Variants in GSTK1 observed in about 807,000 individuals in gnomAD.
GSTK1 encodes glutathione S-transferase kappa 1.
A neutral mutation model predicts 30.9 loss-of-function variants in GSTK1; 25 were observed. That is an observed-to-expected ratio of 0.81 (90% CI 0.59 to 1.13). GSTK1 has a LOEUF of 1.13. Among genes scored for constraint, GSTK1 ranks in the 50% most tolerant of loss-of-function variants. GSTK1 has a pLI of 0.00. For missense variants in GSTK1, 292 were observed against 292.4 expected (o/e 1.00, Z 0.01); for synonymous variants, 108 against 112.5 (o/e 0.96, Z 0.25).
chr7:143,264,849 G>A, intron 3 of GSTK1, 143 bp from the exon 4 acceptor site: 1 of 1,252,148 alleles, frequency 8.0e-7, no homozygotes, highest in African/African-American at 1.5e-5. Context: ...AAGGGAAGAA[G>A]AGCAGGCAAA....
chr7:143,266,894 G>T (rs570423963), intron 5 of GSTK1, among the ~76,000 whole-genome samples: 24 of 152,054 alleles, frequency 1.6e-4, no homozygotes, highest in African/African-American at 5.8e-4. Context: ...CTCCTGGGCT[G>T]AAGCAATCTC....
chr7:143,264,123 T>C lies in GSTK1; in HGVS notation c.110T>C (p.Leu37Pro), dbSNP rs902055819. The change falls in exon 2 of 8, where the codon CTG becomes CCG. Residue 37 changes from leucine to proline, a missense_variant. By Grantham distance (98) the Leu-to-Pro change is moderately conservative. Coordinates refer to ENST00000358406, the MANE Select transcript of GSTK1 (RefSeq NM_015917.3). ...TATCAGAATATCTGGAACATCAACC[T>C]GCAGTTGCGGCCCAGCCTCATAACA... is the stretch of plus-strand genomic sequence containing the variant. ...CRYQNIWNIN[L>P]QLRPSLITGI... The C allele has an allele frequency of 6.2e-7, 1 of 1,613,896 alleles. No individual in the cohort carries two copies. The highest frequency in any genetic ancestry group is 8.5e-7 in the Non-Finnish European group (1 of 1,179,978).
rs1800944915 is a variant in GSTK1, at chr7:143,268,401, G to C, written c.631+217G>C. On this transcript the variant is annotated intron_variant, in intron 7 of 7. Transcript: ENST00000358406. This position sits in a 1 kb window ranked among gnomAD's most constrained non-coding sequence, Gnocchi z 4.1. ...GAGGCAGGAGAATCACTTGAACCTG[G>C]GAGGCGGAGGTTGCAGTGAGCCGAG... Among the ~76,000 whole-genome samples the C allele has an allele frequency of 6.6e-6, 1 of 152,096 alleles. No homozygotes were observed. Among genetic ancestry groups the C allele is most frequent in the Non-Finnish European group, 1.5e-5 (1 of 68,012 alleles).
rs1268563333 is a variant in GSTK1, at chr7:143,268,328, T to C, written c.631+144T>C. 4.9e-6 allele frequency: 3 copies of C among 610,284 alleles called. No individual in the cohort carries two copies. The highest frequency in any genetic ancestry group is 8.6e-6 in the Non-Finnish European group (3 of 348,518). The allele number at this position is 610,284 out of a possible 1,614,324, so 37.8% of individuals were successfully genotyped here. On this transcript the variant is annotated intron_variant, in intron 7 of 7. Transcript: ENST00000358406. The surrounding 1 kb of genome is among the most constrained non-coding windows in gnomAD (Gnocchi z 4.1). Reference sequence around the variant, plus strand: ...CAACATGGTGAAACCCCGTCTCTACTAAAAATATAAAAATTAGCTGGGACT... The same window carrying C: ...CAACATGGTGAAACCCCGTCTCTACCAAAAATATAAAAATTAGCTGGGACT...
At position 143,265,127 on chromosome 7, in the gene GSTK1, C is replaced by T. The variant is rs773256350; in HGVS notation, c.384+35C>T. 6.8e-6 allele frequency: 11 copies of T among 1,613,870 alleles called. No homozygotes were observed. The South Asian group carries it at 7.7e-5, about 11-fold the overall frequency. On this transcript the variant is annotated intron_variant, in intron 4 of 7. Transcript: ENST00000358406. ...GGGCTCTGGGAATCCTCTGGGAGGA[C>T]CTTGGATGACTTTCTGACCTTCCCC...
At chr7:143,265,368 A>C in intron 5 of GSTK1, 72 bp downstream of exon 5, 1 of 1,278,122 alleles carries the variant, frequency 7.8e-7, no homozygotes, top group Non-Finnish European at 1.1e-6. Flanking sequence ...GGGGTAAAGA[A>C]GACAATAGGT....
intron 1 of GSTK1, 172 bp downstream of exon 1, chr7:143,263,757 A>G (rs1800783429): frequency 1.9e-5 from 12 of 635,904 alleles, no homozygotes; most frequent in Non-Finnish European, 3.0e-5. Context: ...TAAACGGAAT[A>G]GAGTCGCTGG....
At chr7:143,264,387 T>C (rs1248021895) in intron 2 of GSTK1, 161 bp from the exon 3 acceptor site, 4 of 824,524 alleles carry the variant, frequency 4.9e-6, no homozygotes, top group Non-Finnish European at 7.8e-6. Flanking sequence ...GAGGTTGCGG[T>C]GAGCTGAGAT....
chr7:143,266,771 G>T (rs116557051), intron 5 of GSTK1, among the ~76,000 whole-genome samples: 1,984 of 144,186 alleles, frequency 0.014, 42 homozygotes, highest in African/African-American at 0.047. Context: ...AAGTGATCTC[G>T]CATCTCAGCC....
chr7:143,264,238 T>C lies in GSTK1; in HGVS notation c.154+71T>C, dbSNP rs567788277. ...GAGCCGACCCCAGCGGGTCCTTATA[T>C]TGGCACTGGCAGCCAGAAAGCTGCC... On this transcript the variant is annotated intron_variant, in intron 2 of 7. Coordinates refer to ENST00000358406, the MANE Select transcript of GSTK1 (RefSeq NM_015917.3). 1.2e-4 allele frequency: 166 copies of C among 1,333,298 alleles called. 1 individual carries two copies. The Middle Eastern group carries it at 1.3e-3, about 10-fold the overall frequency. 82.6% of individuals were successfully genotyped at this position (1,333,298 alleles called of 1,614,324 possible).
intron 5 of GSTK1, among the ~76,000 whole-genome samples, chr7:143,265,593 G>A (rs1345204693): frequency 1.3e-5 from 2 of 152,300 alleles, no homozygotes; most frequent in South Asian, 4.1e-4. Context: ...TGGATGGGGA[G>A]GGATATAGTA....
intron 5 of GSTK1, among the ~76,000 whole-genome samples, chr7:143,266,847 A>G (rs1289661022): frequency 6.6e-6 from 1 of 150,436 alleles, no homozygotes; most frequent in East Asian, 2.0e-4. Context: ...TTTTGTAGAG[A>G]TGGGGGTTTC....
chr7:143,268,320 G>C lies in GSTK1; in HGVS notation c.631+136G>C. On this transcript the variant is annotated intron_variant, in intron 7 of 7. Coordinates refer to ENST00000358406, the MANE Select transcript of GSTK1 (RefSeq NM_015917.3). The surrounding 1 kb of genome is among the most constrained non-coding windows in gnomAD (Gnocchi z 4.1). ...ATCCTGGCCAACATGGTGAAACCCC[G>C]TCTCTACTAAAAATATAAAAATTAG... The C allele has an allele frequency of 1.6e-6, 1 of 639,404 alleles. No homozygotes were observed. 39.6% of individuals were successfully genotyped at this position (639,404 alleles called of 1,614,324 possible).
chr7:143,265,166 G>T, intron 4 of GSTK1, 74 bp downstream of exon 4: 1 of 1,611,134 alleles, frequency 6.2e-7, no homozygotes, highest in East Asian at 2.2e-5. Flanking sequence ...CACGTTTTCA[G>T]GGTCATGATC....
rs1800800054 is a variant in GSTK1, at chr7:143,264,152, A to T, written c.139A>T (p.Ile47Phe). The T allele has an allele frequency of 1.9e-6, 3 of 1,613,770 alleles. No individual in the cohort carries two copies. The highest frequency in any genetic ancestry group is 1.7e-6 in the Non-Finnish European group (2 of 1,179,830). The part of the protein sequence containing the change: ...LQLRPSLITG[I>F]MKDSGNKPPG... The stretch of plus-strand genomic sequence containing the variant: ...GTTGCGGCCCAGCCTCATAACAGGG[A>T]TCATGAAAGACAGTGGTAGGAAGGG... Residue 47 changes from isoleucine (I) to phenylalanine (F), a missense_variant, in exon 2 of 8, where the codon ATC becomes TTC. By Grantham distance (21) the Ile-to-Phe change is conservative (BLOSUM62 0). Coordinates refer to ENST00000358406, the MANE Select transcript of GSTK1 (RefSeq NM_015917.3).
Position 143,268,102 on chromosome 7 carries a change from G to A in GSTK1, c.549G>A (p.Leu183=). ...EAACRYGAFG[L]PITVAHVDGQ... ...ACTGCTTTCTCCAGGCCTTTGGGCTGCCCATCACCGTGGCCCATGTGGATG... is the reference window on the plus strand; with the variant it reads ...ACTGCTTTCTCCAGGCCTTTGGGCTACCCATCACCGTGGCCCATGTGGATG... The change falls in exon 7 of 8, where the codon CTG becomes CTA. Residue 183 remains leucine (L), a synonymous_variant. Coordinates refer to ENST00000358406, the MANE Select transcript of GSTK1 (RefSeq NM_015917.3). This position sits in a 1 kb window ranked among gnomAD's most constrained non-coding sequence, Gnocchi z 4.1. 6.2e-7 allele frequency: 1 copy of A among 1,613,664 alleles called. No individual in the cohort carries two copies. Among genetic ancestry groups the A allele is most frequent in the Non-Finnish European group, 8.5e-7 (1 of 1,179,774 alleles).
chr7:143,263,839 C>G (rs1800788009), intron 1 of GSTK1: 4 of 602,478 alleles, frequency 6.6e-6, no homozygotes, highest in Non-Finnish European at 1.2e-5. Context: ...TCCAAACATT[C>G]AGGGAGAAAT....
chr7:143,268,021 C>CA lies in GSTK1; in HGVS notation c.538-67dup, dbSNP rs1257331625. 2 of 1,208,164 alleles carry CA rather than the reference C, an allele frequency of 1.7e-6. No homozygotes were observed. Among genetic ancestry groups the CA allele is most frequent in the African/African-American group, 3.0e-5 (2 of 66,352 alleles). The allele number at this position is 1,208,164 out of a possible 1,614,324, so 74.8% of individuals were successfully genotyped here. A position where few individuals can be genotyped will look rare whatever the true frequency, so the allele number is the denominator to read the frequency against. On this transcript the variant is annotated intron_variant, in intron 6 of 7. Transcript: ENST00000358406. The surrounding 1 kb of genome is among the most constrained non-coding windows in gnomAD (Gnocchi z 4.1). ...CTGTGAACTCAGAAAAGTACTGACT[C>CA]AAAGGTTTCAACCCCTGCCTAATAC...
chr7:143,268,932 T>G lies in GSTK1; in HGVS notation c.*95T>G. 8.7e-6 allele frequency: 9 copies of G among 1,035,894 alleles called. No homozygotes were observed. Among genetic ancestry groups the G allele is most frequent in the Non-Finnish European group, 1.4e-5 (9 of 660,440 alleles). 64.2% of individuals were successfully genotyped at this position (1,035,894 alleles called of 1,614,324 possible). A position where few individuals can be genotyped will look rare whatever the true frequency, so the allele number is the denominator to read the frequency against. Reference sequence around the variant, plus strand: ...TAAGGCACTGGGACTCGGATTTCTCTATCTGATAGAGGTATTTTCTGTGGC... The same window carrying G: ...TAAGGCACTGGGACTCGGATTTCTCGATCTGATAGAGGTATTTTCTGTGGC... On this transcript the variant is annotated 3_prime_UTR_variant, in exon 8 of 8. Transcript: ENST00000358406. This position sits in a 1 kb window ranked among gnomAD's most constrained non-coding sequence, Gnocchi z 4.1.
Sources: allele counts gnomAD v4.1 joint callset (sites outside exome capture counted in the v4.1 genomes callset), GRCh38; gene constraint gnomAD v4.1.1; non-coding constraint Gnocchi (gnomAD v3.1); transcripts MANE v1.5; gene names NCBI Gene and HGNC (gene_info 2026-07-23, HGNC 2026-07-21).